GLRA3: variants seen among roughly 807,000 people sequenced by gnomAD.
GLRA3 encodes glycine receptor alpha 3, also known as glycine receptor subunit alpha-3.
A neutral mutation model predicts 60.4 loss-of-function variants in GLRA3; 44 were observed. The ratio of observed to expected loss-of-function variants is 0.73; its 90% CI spans 0.57 to 0.94. GLRA3 has a LOEUF of 0.94. GLRA3 is among the 40% of genes least tolerant of loss of function. The pLI is 0.00. For missense variants in GLRA3, 508 were observed against 564.6 expected, an observed-to-expected ratio of 0.90 and a Z score of 1.02; for synonymous variants, 223 against 192.9, an observed-to-expected ratio of 1.16 and a Z score of -1.29.
chr4:174,724,309 A>T (rs1389359864), intron 4 of GLRA3, among the ~76,000 whole-genome samples: 4 of 152,006 alleles, frequency 2.6e-5, no homozygotes, highest in Non-Finnish European at 5.9e-5. Flanking sequence ...TATGTAATTT[A>T]GATTCCTAGA....
chr4:174,774,874 G>C (rs2111258028), intron 2 of GLRA3, among the ~76,000 whole-genome samples: 1 of 152,260 alleles, frequency 6.6e-6, no homozygotes, highest in South Asian at 2.1e-4. Context: ...TGATTATCAA[G>C]GAGAATGTTT....
chr4:174,729,967 A>G (rs545558044), intron 3 of GLRA3, among the ~76,000 whole-genome samples: 1 of 152,186 alleles, frequency 6.6e-6, no homozygotes, highest in Non-Finnish European at 1.5e-5. Context: ...TTTGTACTGA[A>G]TGTTACAAAT....
intron 5 of GLRA3, among the ~76,000 whole-genome samples, chr4:174,709,360 T>C (rs995446667): frequency 3.3e-5 from 5 of 152,026 alleles, no homozygotes; most frequent in East Asian, 1.9e-4. Context: ...CTGTGTGGTA[T>C]GTATGGTTTG....
intron 1 of GLRA3, among the ~76,000 whole-genome samples, chr4:174,798,964 A>C (rs1739697122): frequency 6.6e-6 from 1 of 152,076 alleles, no homozygotes; most frequent in Admixed American, 6.6e-5. Context: ...ACCTCTGGAG[A>C]CAGAGAAATA....
chr4:174,656,605 G>T (rs1287356021), intron 9 of GLRA3, 138 bp downstream of exon 9: 1 of 501,224 alleles, frequency 2.0e-6, no homozygotes, highest in Non-Finnish European at 3.7e-6. Flanking sequence ...TAGCTGAAGG[G>T]GGATGATATT....
chr4:174,744,507 T>A (rs6828970), intron 3 of GLRA3, among the ~76,000 whole-genome samples: 3 of 152,180 alleles, frequency 2.0e-5, no homozygotes, highest in Non-Finnish European at 4.4e-5. Flanking sequence ...CACTAGTTCC[T>A]GTACCCTAAA....
At position 174,637,544 on chromosome 4, in the gene GLRA3, A is replaced by G. The variant is rs950583663; in HGVS notation, c.*6242T>C. 1.3e-5 allele frequency: 2 copies of G among 152,234 alleles called. No individual in the cohort carries two copies. The highest frequency in any genetic ancestry group is 2.9e-5 in the Non-Finnish European group (2 of 68,028). The allele number at this position is 152,234 out of a possible 1,614,324, so 9.4% of individuals were successfully genotyped here. On this transcript the variant is annotated 3_prime_UTR_variant, in exon 10 of 10. Transcript: ENST00000274093. ...CCTGCCATTTAAGTCACAGCTCCCTAGTATTAACCACCCAGGCTGGATACT... is the reference window on the plus strand; with the variant it reads ...CCTGCCATTTAAGTCACAGCTCCCTGGTATTAACCACCCAGGCTGGATACT...
At chr4:174,710,117 A>G (rs540000160) in intron 5 of GLRA3, among the ~76,000 whole-genome samples, 57 of 152,088 alleles carry the variant, frequency 3.7e-4, no homozygotes, top group African/African-American at 1.3e-3. Context: ...CAGTTTTTCT[A>G]AAACTTGATG....
At chr4:174,736,695 A>T (rs1044229154) in intron 3 of GLRA3, among the ~76,000 whole-genome samples, 14 of 152,168 alleles carry the variant, frequency 9.2e-5, no homozygotes, top group Admixed American at 6.5e-4. Context: ...AGAATTATGT[A>T]TGTAAGGTGA....
chr4:174,766,133 G>A (rs1031566694), intron 3 of GLRA3, among the ~76,000 whole-genome samples: 1 of 151,452 alleles, frequency 6.6e-6, no homozygotes, highest in African/African-American at 2.4e-5. Context: ...CTCTAATATT[G>A]GTTTTTTAAA....
intron 2 of GLRA3, among the ~76,000 whole-genome samples, chr4:174,768,838 C>CTTTGTT (rs1738259197): frequency 1.3e-5 from 2 of 152,116 alleles, no homozygotes; most frequent in Non-Finnish European, 2.9e-5. Context: ...ATTTCATTAT[C>CTTTGTT]TGGCCACAAA....
At chr4:174,732,513 A>T (rs193157176) in intron 3 of GLRA3, among the ~76,000 whole-genome samples, 1 of 152,298 alleles carries the variant, frequency 6.6e-6, no homozygotes, top group Admixed American at 6.5e-5. Flanking sequence ...CAACACTGTT[A>T]GCTCTAAGGA....
chr4:174,817,725 G>T (rs1340204917), intron 1 of GLRA3, among the ~76,000 whole-genome samples: 2 of 152,086 alleles, frequency 1.3e-5, no homozygotes. Flanking sequence ...TCCTGCCTCA[G>T]CCTCCCTAGT....
chr4:174,669,857 T>G (rs1421937076), intron 7 of GLRA3, among the ~76,000 whole-genome samples: 1 of 152,192 alleles, frequency 6.6e-6, no homozygotes, highest in Non-Finnish European at 1.5e-5. Context: ...ATTACAGGTG[T>G]GAGCCACTCA....
chr4:174,725,815 G>A (rs777405412), intron 4 of GLRA3, among the ~76,000 whole-genome samples: 2 of 152,122 alleles, frequency 1.3e-5, no homozygotes, highest in Non-Finnish European at 2.9e-5. Context: ...GCTATCAGTT[G>A]ATTGTCTTTT....
At chr4:174,766,837 A>G in intron 3 of GLRA3, 126 bp downstream of exon 3, 1 of 555,730 alleles carries the variant, frequency 1.8e-6, no homozygotes, top group East Asian at 3.1e-5. Context: ...TAATTTAATT[A>G]TACTATTAAT....
chr4:174,693,633 G>C (rs1192647297), intron 5 of GLRA3, among the ~76,000 whole-genome samples: 1 of 152,090 alleles, frequency 6.6e-6, no homozygotes, highest in Non-Finnish European at 1.5e-5. Context: ...GGCTATTCAG[G>C]CTCCTCCTTG....
At chr4:174,778,324 A>C (rs1234873766) in intron 2 of GLRA3, among the ~76,000 whole-genome samples, 1 of 152,216 alleles carries the variant, frequency 6.6e-6, no homozygotes, top group East Asian at 1.9e-4. Flanking sequence ...AAATAAAAAT[A>C]ACTATTTCTT....
intron 9 of GLRA3, among the ~76,000 whole-genome samples, chr4:174,649,971 T>G (rs1011671529): frequency 1.4e-4 from 21 of 152,096 alleles, no homozygotes; most frequent in African/African-American, 5.1e-4. Flanking sequence ...TCCAGATCAT[T>G]GTCAAAAGTA....
Sources: gnomAD v4.1 joint callset for allele counts (sites outside exome capture counted in the v4.1 genomes callset) on GRCh38, gnomAD v4.1.1 for gene constraint, MANE v1.5 for transcripts, NCBI Gene and HGNC (gene_info 2026-07-23, HGNC 2026-07-21) for gene names.